Variants in ZNF565 observed in about 807,000 individuals in gnomAD.
The protein encoded by ZNF565 is zinc finger protein 565.
In ZNF565, 27 loss-of-function variants were observed where a neutral mutation model predicts 39.4. That is an observed-to-expected ratio of 0.69 (90% CI 0.51 to 0.95). The LOEUF is 0.95. Ranked by LOEUF, ZNF565 falls within the 40% of genes least tolerant of loss-of-function variation. The pLI is 0.00. For synonymous variants in ZNF565, 185 were observed against 216.6 expected (o/e 0.85, Z 1.28); for missense variants, 524 against 621.1 (o/e 0.84, Z 1.66).
chr19:36,187,763 G>A (rs1203036444), intron 4 of ZNF565, among the ~76,000 whole-genome samples: 3 of 151,678 alleles, frequency 2.0e-5, no homozygotes, highest in Non-Finnish European at 4.4e-5. Flanking sequence ...TCAGCCTCCC[G>A]AGTAGCTGGG....
intron 1 of ZNF565, chr19:36,213,179 ACAGT>A (rs3029071): frequency 0.35 from 52,741 of 151,912 alleles, 9,533 homozygotes; most frequent in Middle Eastern, 0.48. Context: ...TGCTGCACAT[ACAGT>A]CAGTGTCACA....
intron 1 of ZNF565, among the ~76,000 whole-genome samples, chr19:36,225,241 A>G (rs1230097944): frequency 6.6e-6 from 1 of 152,224 alleles, no homozygotes; most frequent in East Asian, 1.9e-4. Flanking sequence ...TGCAACAACC[A>G]GGGAAAATCT....
intron 1 of ZNF565, among the ~76,000 whole-genome samples, chr19:36,234,024 C>T (rs1977525054): frequency 1.3e-5 from 2 of 152,126 alleles, no homozygotes; most frequent in Admixed American, 1.3e-4. Context: ...AGGCAGAGGT[C>T]CCTGCGGCCT....
chr19:36,229,660 T>C (rs1387075260), intron 1 of ZNF565, among the ~76,000 whole-genome samples: 2 of 152,240 alleles, frequency 1.3e-5, no homozygotes, highest in Non-Finnish European at 2.9e-5. Flanking sequence ...TGGTATATTA[T>C]ATATTCTATT....
intron 1 of ZNF565, among the ~76,000 whole-genome samples, chr19:36,212,732 G>A (rs150629472): frequency 1.3e-3 from 192 of 152,202 alleles, no homozygotes; most frequent in African/African-American, 4.3e-3. Context: ...TATGCAGGGA[G>A]CAGGGAGGAT....
chr19:36,201,908 A>G, intron 2 of ZNF565, 69 bp downstream of exon 2: 1 of 1,570,142 alleles, frequency 6.4e-7, no homozygotes, highest in East Asian at 2.2e-5. Flanking sequence ...TCCAGGATAA[A>G]GAACACAGTG....
At chr19:36,190,413 C>T (rs1295382076) in intron 4 of ZNF565, among the ~76,000 whole-genome samples, 1 of 151,338 alleles carries the variant, frequency 6.6e-6, no homozygotes, top group Non-Finnish European at 1.5e-5. Flanking sequence ...CCCGCCTCTA[C>T]TAAAAATACA....
rs954640506 is a variant in ZNF565 at position 36,245,647 on chromosome 19, C to A, written c.-117G>T. ...CCACCTGCCCGAATTGGTGCTTTGG[C>A]AGAGTCTCTGGTGCCCGGGTGAATG... On this transcript the variant is annotated 5_prime_UTR_variant, in exon 1 of 5. Coordinates refer to the ZNF565 transcript ENST00000355114. This position sits in a 1 kb window ranked among gnomAD's most constrained non-coding sequence, Gnocchi z 4.4. 1 of 691,064 alleles carries A rather than the reference C, an allele frequency of 1.4e-6. No homozygotes were observed. The allele number at this position is 691,064 out of a possible 1,614,324, so 42.8% of individuals were successfully genotyped here. A position where few individuals can be genotyped will look rare whatever the true frequency, so the allele number is the denominator to read the frequency against.
Position 36,183,172 on chromosome 19 carries a change from T to C in ZNF565, c.794A>G (p.Gln265Arg). The change falls in exon 5 of 5, where the codon CAG becomes CGG. Residue 265 changes from glutamine to arginine, a missense_variant. Physicochemically the swap from Gln to Arg is conservative, Grantham distance 43. Coordinates refer to ENST00000304116, the MANE Select transcript of ZNF565 (RefSeq NM_152477.5). ...ECGKTFRQHS[Q>R]LILHQRTHTG... The stretch of plus-strand genomic sequence containing the variant: ...GTGAGTTCTTTGATGCAGAATCAGC[T>C]GTGAATGCTGCCTAAAGGTCTTCCC... 2 of 1,614,188 alleles carry C rather than the reference T, an allele frequency of 1.2e-6. No individual in the cohort carries two copies. Among genetic ancestry groups the C allele is most frequent in the Non-Finnish European group, 1.7e-6 (2 of 1,180,032 alleles).
At chr19:36,197,155 C>G (rs1293308689) in intron 2 of ZNF565, among the ~76,000 whole-genome samples, 1 of 151,924 alleles carries the variant, frequency 6.6e-6, no homozygotes, top group Non-Finnish European at 1.5e-5. Flanking sequence ...ACCTGTAATC[C>G]CAGCTACTTG....
intron 1 of ZNF565, among the ~76,000 whole-genome samples, chr19:36,239,432 C>A (rs1423584757): frequency 6.6e-6 from 1 of 151,520 alleles, no homozygotes; most frequent in Non-Finnish European, 1.5e-5. Context: ...AAGCAGTCCT[C>A]CGACCTCAGC....
chr19:36,241,460 G>A (rs1358207342), intron 1 of ZNF565, among the ~76,000 whole-genome samples: 4 of 143,610 alleles, frequency 2.8e-5, no homozygotes, highest in African/African-American at 7.9e-5. Flanking sequence ...CTCCGGCCTG[G>A]GTGACAAGAG....
At chr19:36,199,796 G>A (rs1302863943) in intron 2 of ZNF565, among the ~76,000 whole-genome samples, 3 of 151,050 alleles carry the variant, frequency 2.0e-5, no homozygotes, top group South Asian at 2.1e-4. Context: ...GATTACAGGT[G>A]TGAGCCACCA....
intron 1 of ZNF565, among the ~76,000 whole-genome samples, chr19:36,235,452 C>T (rs1281120087): frequency 2.0e-5 from 3 of 152,076 alleles, no homozygotes; most frequent in Admixed American, 6.6e-5. Flanking sequence ...TAGTTGGAAG[C>T]ATTAATAATA....
chr19:36,185,843 G>A (rs1183562323), intron 4 of ZNF565, among the ~76,000 whole-genome samples: 2 of 150,664 alleles, frequency 1.3e-5, no homozygotes, highest in African/African-American at 2.4e-5. Context: ...ATAGGTGCCT[G>A]CCACCATGCC....
intron 1 of ZNF565, among the ~76,000 whole-genome samples, chr19:36,212,521 C>T (rs1270727801): frequency 6.6e-6 from 1 of 151,818 alleles, no homozygotes; most frequent in African/African-American, 2.4e-5. Flanking sequence ...TCTCAGGAGG[C>T]TGACGCAGGA....
upstream of ZNF565, among the ~76,000 whole-genome samples, chr19:36,215,974 T>C (rs1976585981): frequency 6.6e-6 from 1 of 152,194 alleles, no homozygotes; most frequent in South Asian, 2.1e-4. Flanking sequence ...TCAGGTTGTA[T>C]GGATTTTGTG....
intron 1 of ZNF565, among the ~76,000 whole-genome samples, chr19:36,205,893 G>A (rs1360135406): frequency 6.6e-6 from 1 of 151,986 alleles, no homozygotes; most frequent in Non-Finnish European, 1.5e-5. Flanking sequence ...GTGTCAACTG[G>A]CACTGTTCTA....
intron 1 of ZNF565, among the ~76,000 whole-genome samples, chr19:36,223,041 T>C (rs1243377046): frequency 2.0e-5 from 3 of 152,026 alleles, no homozygotes; most frequent in African/African-American, 7.2e-5. Flanking sequence ...CTTGAACCCC[T>C]GGGCCCAAGC....
Sources: allele counts gnomAD v4.1 joint callset (sites outside exome capture counted in the v4.1 genomes callset), GRCh38; gene constraint gnomAD v4.1.1; non-coding constraint Gnocchi (gnomAD v3.1); transcripts MANE v1.5; gene names NCBI Gene and HGNC (gene_info 2026-07-23, HGNC 2026-07-21).